The following KIAA1328 variants were observed in gnomAD, a reference collection of about 807,000 sequenced individuals.
KIAA1328 encodes protein hinderin.
A neutral mutation model predicts 68.1 loss-of-function variants in KIAA1328; 52 were observed. The observed-to-expected ratio is 0.76, with a 90% CI of 0.61 to 0.96. The LOEUF (loss-of-function observed/expected upper bound fraction) is 0.96, where lower values mean the gene tolerates loss of function less well. Ranked by LOEUF, KIAA1328 falls within the 40% of genes least tolerant of loss-of-function variation. The pLI, the probability that KIAA1328 is intolerant of heterozygous loss-of-function variation, is 0.00. For synonymous variants in KIAA1328, 232 were observed against 239.4 expected (o/e 0.97, Z 0.28); for missense variants, 641 against 677.6 (o/e 0.95, Z 0.60).
Position 37,223,490 on chromosome 18 carries a change from C to T in KIAA1328, c.*1263C>T. The stretch of plus-strand genomic sequence containing the variant: ...TAGCCAGAGTTCAAAACTCTCCAGT[C>T]ATTGAAAGCAAGGGGAGGGTGTGTT... On this transcript the variant is annotated 3_prime_UTR_variant, in exon 10 of 10. Transcript: ENST00000280020. 1.0e-6 allele frequency: 1 copy of T among 985,404 alleles called. No homozygotes were observed. 61.0% of individuals were successfully genotyped at this position (985,404 alleles called of 1,614,324 possible). A position where few individuals can be genotyped will look rare whatever the true frequency, so the allele number is the denominator to read the frequency against.
intron 6 of KIAA1328, among the ~76,000 whole-genome samples, chr18:37,030,847 G>A (rs1465111514): frequency 7.6e-5 from 10 of 131,816 alleles, no homozygotes; most frequent in Admixed American, 4.1e-4. Context: ...CCCACCCCCC[G>A]ACAGGCCCCA....
intron 9 of KIAA1328, among the ~76,000 whole-genome samples, chr18:37,194,271 A>C (rs2059962455): frequency 6.6e-6 from 1 of 152,204 alleles, no homozygotes; most frequent in Non-Finnish European, 1.5e-5. Context: ...TTTACAATGT[A>C]ATCAAAAAGT....
At chr18:36,984,221 A>G (rs545328562) in intron 6 of KIAA1328, among the ~76,000 whole-genome samples, 1 of 152,308 alleles carries the variant, frequency 6.6e-6, no homozygotes, top group Non-Finnish European at 1.5e-5. Context: ...CAGCCTTACC[A>G]CATCTATTCA....
chr18:37,040,079 A>G (rs322657), intron 6 of KIAA1328, among the ~76,000 whole-genome samples: 111,346 of 152,064 alleles, frequency 0.73, 43,916 homozygotes, highest in South Asian at 0.89. Context: ...AATCCTTCTT[A>G]TGCTTCAAAT....
chr18:36,833,672 A>G (rs758787974), intron 1 of KIAA1328, among the ~76,000 whole-genome samples: 6 of 152,366 alleles, frequency 3.9e-5, no homozygotes, highest in Non-Finnish European at 7.3e-5. Flanking sequence ...GGAAAAGTTG[A>G]GTTGGATCAA....
chr18:37,133,559 T>G (rs1173347017), intron 7 of KIAA1328, among the ~76,000 whole-genome samples: 3 of 145,720 alleles, frequency 2.1e-5, no homozygotes, highest in African/African-American at 7.8e-5. Context: ...GGAGTCTCGC[T>G]CTGTCGCCCA....
At chr18:36,970,664 A>G (rs564733537) in intron 6 of KIAA1328, among the ~76,000 whole-genome samples, 1 of 148,138 alleles carries the variant, frequency 6.8e-6, no homozygotes, top group Non-Finnish European at 1.5e-5. Flanking sequence ...CCAATAATAG[A>G]CAGAGAGCCA....
At chr18:36,851,762 T>C (rs2047219015) in intron 4 of KIAA1328, among the ~76,000 whole-genome samples, 1 of 145,278 alleles carries the variant, frequency 6.9e-6, no homozygotes, top group African/African-American at 2.6e-5. Context: ...TTTGTTTTTA[T>C]ATATTGTATT....
intron 5 of KIAA1328, among the ~76,000 whole-genome samples, chr18:36,887,615 A>G (rs2150988759): frequency 6.6e-6 from 1 of 152,256 alleles, no homozygotes; most frequent in South Asian, 2.1e-4. Context: ...GTGGTCTTTT[A>G]TATGATATTT....
At chr18:36,962,639 C>A (rs2151284910) in intron 6 of KIAA1328, among the ~76,000 whole-genome samples, 1 of 152,314 alleles carries the variant, frequency 6.6e-6, no homozygotes, top group East Asian at 1.9e-4. Flanking sequence ...ACAGTGCAAT[C>A]AAATTAGAAC....
intron 6 of KIAA1328, among the ~76,000 whole-genome samples, chr18:37,044,936 T>G (rs1232578186): frequency 6.6e-6 from 1 of 152,170 alleles, no homozygotes; most frequent in African/African-American, 2.4e-5. Flanking sequence ...CAGTCCACCT[T>G]GAAACAGACT....
At chr18:37,125,470 C>T (rs1431149747) in intron 7 of KIAA1328, among the ~76,000 whole-genome samples, 1 of 151,930 alleles carries the variant, frequency 6.6e-6, no homozygotes, top group Non-Finnish European at 1.5e-5. Flanking sequence ...GCAAATTATA[C>T]ACAAAATGAG....
chr18:36,957,827 A>C (rs1044868908), intron 5 of KIAA1328, among the ~76,000 whole-genome samples: 9 of 152,266 alleles, frequency 5.9e-5, no homozygotes, highest in African/African-American at 2.2e-4. Flanking sequence ...TGTAAAATAA[A>C]ATTCACCCTT....
chr18:36,968,236 A>G (rs2052024520), intron 6 of KIAA1328, among the ~76,000 whole-genome samples: 1 of 152,154 alleles, frequency 6.6e-6, no homozygotes, highest in Non-Finnish European at 1.5e-5. Context: ...ACAGCTAACA[A>G]CATGATGACA....
chr18:37,017,447 G>A (rs2054189689), intron 6 of KIAA1328, among the ~76,000 whole-genome samples: 2 of 152,160 alleles, frequency 1.3e-5, no homozygotes, highest in South Asian at 4.2e-4. Context: ...GTGGTTGATG[G>A]GTCATGTACT....
chr18:37,121,830 A>T (rs908638077), intron 7 of KIAA1328, among the ~76,000 whole-genome samples: 1 of 149,552 alleles, frequency 6.7e-6, no homozygotes, highest in African/African-American at 2.6e-5. Context: ...TTTGTTATTT[A>T]GGTGAATGCA....
chr18:36,948,160 A>G (rs752431002), intron 5 of KIAA1328, among the ~76,000 whole-genome samples: 10 of 152,082 alleles, frequency 6.6e-5, no homozygotes, highest in Admixed American at 1.3e-4. Flanking sequence ...GTGTATTGAA[A>G]TGGATAGCTC....
At chr18:37,173,744 A>C (rs1472946000) in intron 9 of KIAA1328, among the ~76,000 whole-genome samples, 1 of 152,230 alleles carries the variant, frequency 6.6e-6, no homozygotes, top group African/African-American at 2.4e-5. Context: ...TTTGAAGTCC[A>C]TTGGCTTTGC....
intron 9 of KIAA1328, among the ~76,000 whole-genome samples, chr18:37,200,942 A>G (rs1354825203): frequency 6.6e-6 from 1 of 151,680 alleles, no homozygotes; most frequent in East Asian, 1.9e-4. Context: ...GAAAGCATTG[A>G]TTGTCAAAAT....
Sources: allele counts gnomAD v4.1 joint callset (sites outside exome capture counted in the v4.1 genomes callset), GRCh38; gene constraint gnomAD v4.1.1; transcripts MANE v1.5; gene names NCBI Gene and HGNC (gene_info 2026-07-23, HGNC 2026-07-21).